Variants in NCOA2 observed in about 807,000 individuals in gnomAD.
The protein encoded by NCOA2 is nuclear receptor coactivator 2.
A neutral mutation model predicts 145.1 loss-of-function variants in NCOA2; 21 were observed. The observed-to-expected ratio is 0.14, with a 90% CI of 0.10 to 0.21. The LOEUF (loss-of-function observed/expected upper bound fraction) is 0.21, where lower values mean the gene tolerates loss of function less well. Ranked by LOEUF, NCOA2 falls within the 10% of genes least tolerant of loss-of-function variation. The pLI is 1.00. For missense variants in NCOA2, 1,472 were observed against 1,837.6 expected (o/e 0.80, Z 3.64); for synonymous variants, 619 against 637.5 (o/e 0.97, Z 0.44).
intron 2 of NCOA2, among the ~76,000 whole-genome samples, chr8:70,292,414 A>T (rs1417863997): frequency 3.9e-5 from 6 of 151,910 alleles, no homozygotes; most frequent in Admixed American, 3.9e-4. Context: ...AATCCCAAAG[A>T]GCTGGGATTA....
At chr8:70,132,044 A>C in intron 15 of NCOA2, 42 bp from the exon 16 acceptor site, 2 of 1,570,084 alleles carry the variant, frequency 1.3e-6, no homozygotes, top group Non-Finnish European at 1.7e-6. Flanking sequence ...TGGAAAAGCT[A>C]GTTGATTAGA....
chr8:70,390,163 T>C (rs1335430479), intron 1 of NCOA2, among the ~76,000 whole-genome samples: 1 of 152,164 alleles, frequency 6.6e-6, no homozygotes, highest in African/African-American at 2.4e-5. Context: ...CAAAATAATA[T>C]CTGCATTATT....
At chr8:70,286,248 C>CA (rs1826223710) in intron 2 of NCOA2, among the ~76,000 whole-genome samples, 1 of 151,750 alleles carries the variant, frequency 6.6e-6, no homozygotes, top group African/African-American at 2.4e-5. Flanking sequence ...CTTGTCTCTA[C>CA]AAAAAAATAA....
At chr8:70,127,175 T>C in intron 18 of NCOA2, 128 bp from the exon 19 acceptor site, 2 of 661,420 alleles carry the variant, frequency 3.0e-6, no homozygotes, top group Non-Finnish European at 5.3e-6. Flanking sequence ...AAAAATTACA[T>C]GAAAGGAATG....
intron 1 of NCOA2, among the ~76,000 whole-genome samples, chr8:70,389,917 C>T (rs1250572883): frequency 6.6e-6 from 1 of 152,040 alleles, no homozygotes; most frequent in African/African-American, 2.4e-5. Flanking sequence ...CTGCCCACCT[C>T]GGCCTCCCAA....
At chr8:70,265,229 T>C (rs1217943488) in intron 2 of NCOA2, among the ~76,000 whole-genome samples, 1 of 152,174 alleles carries the variant, frequency 6.6e-6, no homozygotes, top group East Asian at 1.9e-4. Flanking sequence ...GACCAGAGAC[T>C]TCCCCTTCTC....
intron 4 of NCOA2, among the ~76,000 whole-genome samples, chr8:70,209,291 G>A (rs963688368): frequency 1.1e-4 from 16 of 152,150 alleles, no homozygotes; most frequent in Admixed American, 2.6e-4. Context: ...TGCTTTTTGC[G>A]GATAAACAAA....
chr8:70,393,527 T>C (rs1813391336), intron 1 of NCOA2, among the ~76,000 whole-genome samples: 1 of 151,332 alleles, frequency 6.6e-6, no homozygotes, highest in South Asian at 2.1e-4. Context: ...GCCCCCAACA[T>C]CCTCCACCCC....
At chr8:70,190,233 G>A (rs1288699157) in intron 4 of NCOA2, among the ~76,000 whole-genome samples, 1 of 152,164 alleles carries the variant, frequency 6.6e-6, no homozygotes. Context: ...TACCCTGCAG[G>A]AATAAAAAGA....
At chr8:70,346,995 A>T (rs1808715196) in intron 1 of NCOA2, among the ~76,000 whole-genome samples, 1 of 152,234 alleles carries the variant, frequency 6.6e-6, no homozygotes, top group Non-Finnish European at 1.5e-5. Flanking sequence ...GATTCACATT[A>T]AATTGGCCTA....
At chr8:70,140,076 A>G (rs1298372524) in intron 14 of NCOA2, among the ~76,000 whole-genome samples, 1 of 152,208 alleles carries the variant, frequency 6.6e-6, no homozygotes, top group Non-Finnish European at 1.5e-5. Context: ...TGTACAGACC[A>G]TTAATTTTTA....
intron 4 of NCOA2, among the ~76,000 whole-genome samples, chr8:70,200,284 C>T (rs956235878): frequency 3.3e-5 from 5 of 152,018 alleles, no homozygotes; most frequent in Admixed American, 1.3e-4. Context: ...CACGTATGTA[C>T]CTCTGTTAGA....
At chr8:70,435,716 TTATA>T in the NCOA2 span, among the ~76,000 whole-genome samples, 1 of 147,972 alleles carries the variant, frequency 6.8e-6, no homozygotes, top group African/African-American at 2.5e-5. Flanking sequence ...ATACTTACAC[TTATA>T]TATATATATA....
chr8:70,316,672 T>C (rs899194757), intron 1 of NCOA2, among the ~76,000 whole-genome samples: 11 of 152,196 alleles, frequency 7.2e-5, no homozygotes, highest in African/African-American at 2.2e-4. Flanking sequence ...ACAGATCAGT[T>C]TTTTTCTGAA....
At chr8:70,441,126 A>AAGAAAG in the NCOA2 span, among the ~76,000 whole-genome samples, 3 of 3,540 alleles carry the variant, frequency 8.5e-4, no homozygotes, top group African/African-American at 1.1e-3. Context: ...AAGAAAGAGA[A>AAGAAAG]AGAAAGAAAG....
At chr8:70,259,014 T>C (rs543668315) in intron 2 of NCOA2, among the ~76,000 whole-genome samples, 101 of 152,360 alleles carry the variant, frequency 6.6e-4, no homozygotes, top group Non-Finnish European at 1.1e-3. Flanking sequence ...ACCAAACTCA[T>C]ACTGTGTGCA....
At chr8:70,266,730 A>G in intron 2 of NCOA2, among the ~76,000 whole-genome samples, 1 of 152,232 alleles carries the variant, frequency 6.6e-6, no homozygotes, top group East Asian at 1.9e-4. Flanking sequence ...ACTCTAATTT[A>G]GACTCATTCA....
At position 70,129,039 on chromosome 8, in the gene NCOA2, A is replaced by G; in HGVS notation, c.3325-59T>C. ...TTAAACCATAAAAACAGCAGAGTCA[A>G]TATAAGGCTGTTTTCTCTCACTATC... On this transcript the variant is annotated intron_variant, in intron 16 of 22. Coordinates refer to ENST00000452400, the MANE Select transcript of NCOA2 (RefSeq NM_006540.4). The G allele has an allele frequency of 6.8e-6, 10 of 1,479,298 alleles. No individual in the cohort carries two copies. The South Asian group carries it at 1.3e-4, about 19-fold the overall frequency. The allele number at this position is 1,479,298 out of a possible 1,614,324, so 91.6% of individuals were successfully genotyped here. A position where few individuals can be genotyped will look rare whatever the true frequency, so the allele number is the denominator to read the frequency against.
At chr8:70,257,472 A>C (rs915077448) in intron 2 of NCOA2, among the ~76,000 whole-genome samples, 30 of 152,314 alleles carry the variant, frequency 2.0e-4, no homozygotes, top group African/African-American at 7.0e-4. Flanking sequence ...AAACAAGATA[A>C]ATAAGGAAAA....
Sources: gnomAD v4.1 joint callset for allele counts (sites outside exome capture counted in the v4.1 genomes callset) on GRCh38, gnomAD v4.1.1 for gene constraint, MANE v1.5 for transcripts, NCBI Gene and HGNC (gene_info 2026-07-23, HGNC 2026-07-21) for gene names.